Variants in VRK2 observed in about 807,000 individuals in gnomAD.
VRK2 encodes serine/threonine-protein kinase VRK2.
Under a neutral mutation model 57.6 loss-of-function variants are expected in VRK2, and 60 were observed. The observed-to-expected ratio is 1.04, with a 90% CI of 0.85 to 1.29. The LOEUF (loss-of-function observed/expected upper bound fraction) is 1.29. Among genes scored for constraint, VRK2 ranks in the 50% most tolerant of loss-of-function variants. VRK2 has a pLI of 0.00. For missense variants in VRK2, 705 were observed against 588.1 expected (o/e 1.20, Z -2.06); for synonymous variants, 231 against 199.2 (o/e 1.16, Z -1.35).
chr2:58,154,837 CCT>C lies in VRK2; in HGVS notation c.1183-4511_1183-4510del, dbSNP rs1026192850. 2.3e-5 allele frequency: 16 copies of C among 701,028 alleles called. No homozygotes were observed. In the African/African-American group the frequency reaches 2.5e-4, roughly 11 times the overall value. The allele number at this position is 701,028 out of a possible 1,614,324, so 43.4% of individuals were successfully genotyped here. On this transcript the variant is annotated intron_variant, in intron 12 of 12. Coordinates refer to ENST00000340157, the MANE Select transcript of VRK2 (RefSeq NM_006296.7). Reference sequence around the variant, plus strand: ...CCATGCTATAAGTGTCCTGCTAAACCCTGTTTGTACTGCATCCTGTAAATATT... The same window carrying C: ...CCATGCTATAAGTGTCCTGCTAAACCGTTTGTACTGCATCCTGTAAATATT...
intron 1 of VRK2, among the ~76,000 whole-genome samples, chr2:58,002,343 T>TAATTATA (rs1410836873): frequency 1.3e-5 from 2 of 152,102 alleles, no homozygotes; most frequent in Admixed American, 6.5e-5. Context: ...CCAGGTATGG[T>TAATTATA]GGCATGCACC....
intron 2 of VRK2, among the ~76,000 whole-genome samples, chr2:58,055,810 A>G (rs1355907721): frequency 2.0e-5 from 3 of 152,208 alleles, no homozygotes; most frequent in Admixed American, 1.3e-4. Flanking sequence ...TTTCATCCAG[A>G]AACAGAAAGA....
At chr2:57,988,246 T>G (rs1210755253) in intron 1 of VRK2, among the ~76,000 whole-genome samples, 1 of 152,240 alleles carries the variant, frequency 6.6e-6, no homozygotes, top group Non-Finnish European at 1.5e-5. Flanking sequence ...CTCTTTAACA[T>G]TTTCAAAATA....
At chr2:57,952,162 C>T (rs1007300154) in intron 1 of VRK2, among the ~76,000 whole-genome samples, 7 of 151,856 alleles carry the variant, frequency 4.6e-5, no homozygotes, top group African/African-American at 1.7e-4. Context: ...AATTCTATTG[C>T]ACACTTAATA....
intron 1 of VRK2, among the ~76,000 whole-genome samples, chr2:57,998,092 G>T (rs1295526215): frequency 6.6e-6 from 1 of 152,072 alleles, no homozygotes; most frequent in East Asian, 1.9e-4. Flanking sequence ...AAAGAATTAG[G>T]GAAGTAATAA....
chr2:58,112,952 T>G (rs1317355382), intron 7 of VRK2, among the ~76,000 whole-genome samples: 1 of 152,206 alleles, frequency 6.6e-6, no homozygotes, highest in African/African-American at 2.4e-5. Flanking sequence ...ACTTTTAGTC[T>G]TTTCTTTGGT....
At chr2:58,043,008 A>T (rs1674523097), upstream of VRK2, among the ~76,000 whole-genome samples, 1 of 152,142 alleles carries the variant, frequency 6.6e-6, no homozygotes, top group African/African-American at 2.4e-5. Context: ...TTAAATCCCA[A>T]CACTTAAAAA....
chr2:58,117,491 G>C (rs1676703605), intron 7 of VRK2, among the ~76,000 whole-genome samples: 1 of 152,120 alleles, frequency 6.6e-6, no homozygotes, highest in Non-Finnish European at 1.5e-5. Flanking sequence ...TATAGAAAAG[G>C]AAGATTAGAA....
intron 1 of VRK2, among the ~76,000 whole-genome samples, chr2:58,008,978 C>T (rs551269217): frequency 6.6e-6 from 1 of 152,180 alleles, no homozygotes; most frequent in South Asian, 2.1e-4. Context: ...GTGGTATACT[C>T]ACAGGGAGAA....
In VRK2 at chr2:57,983,510, C is replaced by T. The variant is rs149925326; in HGVS notation, c.-438-42155C>T. Among the ~76,000 whole-genome samples, 692 of 152,222 alleles carry T rather than the reference C, an allele frequency of 4.5e-3. 6 individuals are homozygous for T. The highest frequency in any genetic ancestry group is 0.015 in the African/African-American group (636 of 41,530). On this transcript the variant is annotated intron_variant, in intron 1 of 15. Transcript: ENST00000417641. The stretch of plus-strand genomic sequence containing the variant: ...TTGGGATGTCATTATGCTACCACAA[C>T]CCTGCCAAACTGCCATATAAGTATA...
chr2:58,014,527 G>C (rs1460339147), intron 1 of VRK2, among the ~76,000 whole-genome samples: 1 of 152,174 alleles, frequency 6.6e-6, no homozygotes, highest in African/African-American at 2.4e-5. Context: ...CTTGCATTCT[G>C]CTTCAACAAC....
Position 58,115,902 on chromosome 2 carries a change from T to G in VRK2, c.544-7199T>G, listed in dbSNP as rs1298818577. 2.6e-5 allele frequency among the ~76,000 whole-genome samples: 4 copies of G among 152,214 alleles called. No individual in the cohort carries two copies. The East Asian group carries it at 7.7e-4, about 29-fold the overall frequency. On this transcript the variant is annotated intron_variant, in intron 7 of 12. Coordinates refer to ENST00000340157, the MANE Select transcript of VRK2 (RefSeq NM_006296.7). The stretch of plus-strand genomic sequence containing the variant: ...CAAAGGAATAGTAAAGAAAGCATGT[T>G]TGAGATCCAGAACAGAATAATGGAT...
intron 1 of VRK2, among the ~76,000 whole-genome samples, chr2:57,962,271 A>G (rs1014467482): frequency 2.6e-5 from 4 of 152,138 alleles, no homozygotes; most frequent in African/African-American, 4.8e-5. Context: ...TCAAATTCAG[A>G]AAAGAAAAAT....
intron 1 of VRK2, among the ~76,000 whole-genome samples, chr2:57,924,556 A>G (rs968937182): frequency 6.6e-6 from 1 of 151,980 alleles, no homozygotes; most frequent in Non-Finnish European, 1.5e-5. Flanking sequence ...TGATTTTTGT[A>G]TGTTGATCTT....
intron 1 of VRK2, among the ~76,000 whole-genome samples, chr2:57,919,626 C>A (rs886555117): frequency 1.3e-5 from 2 of 152,052 alleles, no homozygotes; most frequent in African/African-American, 2.4e-5. Context: ...CAGTAACATA[C>A]AAATGTCTGT....
chr2:57,952,133 G>T (rs1393680930), intron 1 of VRK2, among the ~76,000 whole-genome samples: 1 of 151,762 alleles, frequency 6.6e-6, no homozygotes, highest in East Asian at 1.9e-4. Context: ...GAGAGATAGA[G>T]ATAGAGATAG....
intron 7 of VRK2, among the ~76,000 whole-genome samples, chr2:58,104,326 C>CA (rs968669443): frequency 1.8e-4 from 27 of 151,668 alleles, no homozygotes; most frequent in South Asian, 4.1e-4. Flanking sequence ...AAAACTCCTG[C>CA]AAAAAACTCT....
At chr2:58,109,504 A>C (rs1019514445) in intron 7 of VRK2, among the ~76,000 whole-genome samples, 1 of 152,120 alleles carries the variant, frequency 6.6e-6, no homozygotes, top group African/African-American at 2.4e-5. Flanking sequence ...ACAGTTCTGC[A>C]TGGCTGGGGA....
intron 7 of VRK2, among the ~76,000 whole-genome samples, chr2:58,097,928 A>C (rs1202627581): frequency 6.6e-6 from 1 of 152,068 alleles, no homozygotes; most frequent in Non-Finnish European, 1.5e-5. Context: ...ACAGCCTCAC[A>C]CAGGCCCTTC....
Sources: allele counts gnomAD v4.1 joint callset (sites outside exome capture counted in the v4.1 genomes callset), GRCh38; gene constraint gnomAD v4.1.1; transcripts MANE v1.5; gene names NCBI Gene and HGNC (gene_info 2026-07-23, HGNC 2026-07-21).